Variants in CNTN1 observed in about 807,000 individuals in gnomAD.
The protein encoded by CNTN1 is contactin 1, also known as contactin-1.
A neutral mutation model predicts 126.4 loss-of-function variants in CNTN1; 38 were observed. The ratio of observed to expected loss-of-function variants is 0.30; its 90% CI spans 0.23 to 0.39. The LOEUF (loss-of-function observed/expected upper bound fraction) is 0.39, where lower values mean the gene tolerates loss of function less well. CNTN1 is among the 10% of genes least tolerant of loss of function. The pLI is 1.00. For synonymous variants in CNTN1, 413 were observed against 422.6 expected, an observed-to-expected ratio of 0.98 and a Z score of 0.28; for missense variants, 1,009 against 1,248.4, an observed-to-expected ratio of 0.81 and a Z score of 2.89.
intron 16 of CNTN1, among the ~76,000 whole-genome samples, chr12:40,984,998 G>A (rs915007029): frequency 4.0e-5 from 6 of 151,858 alleles, no homozygotes; most frequent in African/African-American, 7.2e-5. Flanking sequence ...ATTATTTTGG[G>A]GGAGTTTATT....
intron 1 of CNTN1, among the ~76,000 whole-genome samples, chr12:40,715,789 A>G (rs1230170507): frequency 1.3e-5 from 2 of 152,152 alleles, no homozygotes; most frequent in Non-Finnish European, 2.9e-5. Flanking sequence ...AATTCCACAG[A>G]TATCTGTAAT....
At chr12:40,971,687 A>G (rs1947517664) in intron 15 of CNTN1, 1 of 1,413,930 alleles carries the variant, frequency 7.1e-7, no homozygotes, top group Admixed American at 3.2e-5. Flanking sequence ...TATTTTTTAA[A>G]ATATAACTAT....
chr12:40,882,609 A>C (rs1242947495), intron 1 of CNTN1, among the ~76,000 whole-genome samples: 1 of 151,660 alleles, frequency 6.6e-6, no homozygotes, highest in Admixed American at 6.6e-5. Flanking sequence ...AAATAATCTC[A>C]TCTGGACCTC....
intron 1 of CNTN1, among the ~76,000 whole-genome samples, chr12:40,868,722 A>G (rs1461662004): frequency 6.6e-6 from 1 of 152,030 alleles, no homozygotes; most frequent in African/African-American, 2.4e-5. Context: ...CCCAGCCTGA[A>G]CACCTATCCC....
intron 1 of CNTN1, among the ~76,000 whole-genome samples, chr12:40,694,104 G>T (rs934939803): frequency 2.4e-4 from 36 of 152,088 alleles, no homozygotes; most frequent in African/African-American, 8.5e-4. Context: ...TCGGCATAAT[G>T]GTTTGGTTAT....
intron 1 of CNTN1, among the ~76,000 whole-genome samples, chr12:40,840,940 A>G (rs960939020): frequency 2.0e-5 from 3 of 151,930 alleles, no homozygotes; most frequent in Admixed American, 2.0e-4. Flanking sequence ...AGCAGATGAA[A>G]AAAAATAAAA....
chr12:40,972,400 T>A, intron 15 of CNTN1: 1 of 983,862 alleles, frequency 1.0e-6, no homozygotes, highest in Non-Finnish European at 1.2e-6. Flanking sequence ...AAAATTCTTA[T>A]TCCTTCACAA....
At chr12:41,028,027 A>T in intron 22 of CNTN1, 58 bp downstream of exon 22, 1 of 1,231,856 alleles carries the variant, frequency 8.1e-7, no homozygotes, top group Non-Finnish European at 1.2e-6. Context: ...GTGAAACCCA[A>T]GATGGGTTTC....
chr12:40,839,346 AG>A (rs1942191026), intron 1 of CNTN1, among the ~76,000 whole-genome samples: 1 of 148,138 alleles, frequency 6.8e-6, no homozygotes, highest in Non-Finnish European at 1.5e-5. Context: ...AACAACAAAA[AG>A]ATTAGAAACT....
In CNTN1 at chr12:40,817,155, T is replaced by G. The variant is rs114575475; in HGVS notation, c.-76-91202T>G. ...TGGAGTAGGGAGATCCATAGATGTC[T>G]ACTAGGTCCCCTTGATCCAGAGCTG... On this transcript the variant is annotated intron_variant, in intron 1 of 23. Transcript: ENST00000551295. Among the ~76,000 whole-genome samples, 855 of 152,368 alleles carry G rather than the reference T, an allele frequency of 5.6e-3. 18 individuals carry two copies. The highest frequency in any genetic ancestry group is 0.019 in the African/African-American group (807 of 41,594).
chr12:41,023,026 G>A (rs71449802), intron 20 of CNTN1, among the ~76,000 whole-genome samples: 181 of 152,144 alleles, frequency 1.2e-3, no homozygotes, highest in African/African-American at 3.7e-3. Context: ...TGGCCGGTAG[G>A]GGGGAGGGGG....
At chr12:40,879,483 A>G (rs887199494) in intron 1 of CNTN1, among the ~76,000 whole-genome samples, 1 of 152,152 alleles carries the variant, frequency 6.6e-6, no homozygotes, top group Non-Finnish European at 1.5e-5. Context: ...CTGAACCAAG[A>G]ATGTTCTCCT....
intron 1 of CNTN1, among the ~76,000 whole-genome samples, chr12:40,798,557 A>G (rs1413342449): frequency 6.6e-6 from 1 of 151,976 alleles, no homozygotes; most frequent in Non-Finnish European, 1.5e-5. Context: ...CCACTCAGCC[A>G]TTAAAAAAAG....
intron 1 of CNTN1, among the ~76,000 whole-genome samples, chr12:40,890,125 G>A (rs1390672325): frequency 1.3e-5 from 2 of 152,130 alleles, no homozygotes; most frequent in Non-Finnish European, 1.5e-5. Context: ...TAAACAGAGC[G>A]AATATCACCT....
chr12:40,774,737 A>G (rs1939509197), intron 1 of CNTN1, among the ~76,000 whole-genome samples: 1 of 151,326 alleles, frequency 6.6e-6, no homozygotes, highest in African/African-American at 2.4e-5. Flanking sequence ...AGAACATTTA[A>G]ATTATGCTTT....
intron 1 of CNTN1, among the ~76,000 whole-genome samples, chr12:40,826,905 A>G (rs1029473388): frequency 6.6e-5 from 10 of 152,186 alleles, no homozygotes; most frequent in Non-Finnish European, 1.2e-4. Context: ...GTATAAAAAG[A>G]GGCTTTGGGA....
At chr12:40,705,326 A>C (rs1300811062) in intron 1 of CNTN1, among the ~76,000 whole-genome samples, 2 of 152,124 alleles carry the variant, frequency 1.3e-5, no homozygotes, top group Non-Finnish European at 2.9e-5. Flanking sequence ...CTGATGAATT[A>C]TTTCTGCTTC....
At chr12:41,019,418 G>A (rs1256830908) in intron 19 of CNTN1, among the ~76,000 whole-genome samples, 2 of 152,032 alleles carry the variant, frequency 1.3e-5, no homozygotes, top group East Asian at 3.9e-4. Flanking sequence ...GTTGAAACTT[G>A]TATAAGTGTT....
At chr12:40,952,262 G>T (rs1946717727) in intron 14 of CNTN1, among the ~76,000 whole-genome samples, 1 of 151,944 alleles carries the variant, frequency 6.6e-6, no homozygotes, top group South Asian at 2.1e-4. Context: ...TTTCTAAAAT[G>T]GGAATATTAA....
Sources: gnomAD v4.1 joint callset for allele counts (sites outside exome capture counted in the v4.1 genomes callset) on GRCh38, gnomAD v4.1.1 for gene constraint, MANE v1.5 for transcripts, NCBI Gene and HGNC (gene_info 2026-07-23, HGNC 2026-07-21) for gene names.